Variants in CLVS1 observed in about 807,000 individuals in gnomAD.
The protein encoded by CLVS1 is clavesin 1.
A neutral mutation model predicts 33.1 loss-of-function variants in CLVS1; 10 were observed. The ratio of observed to expected loss-of-function variants is 0.30; its 90% CI spans 0.19 to 0.51. The LOEUF is 0.51. Among genes scored for constraint, CLVS1 ranks in the 20% least tolerant of loss-of-function variants. CLVS1 has a pLI of 0.97. For missense variants in CLVS1, 343 were observed against 433.4 expected (o/e 0.79, Z 1.85); for synonymous variants, 163 against 166.1 (o/e 0.98, Z 0.14).
chr8:61,084,267 A>C (rs763259907), intron 1 of CLVS1, among the ~76,000 whole-genome samples: 5 of 152,342 alleles, frequency 3.3e-5, no homozygotes, highest in Non-Finnish European at 7.3e-5. Flanking sequence ...AGAACCATTT[A>C]GTCACAGGCA....
intron 5 of CLVS1, among the ~76,000 whole-genome samples, chr8:61,474,624 T>C (rs145991179): frequency 1.3e-5 from 2 of 152,262 alleles, no homozygotes; most frequent in East Asian, 3.9e-4. Flanking sequence ...GAGGGAACAA[T>C]TGATAACACC....
the CLVS1 span, among the ~76,000 whole-genome samples, chr8:60,997,341 T>A: frequency 6.6e-6 from 1 of 152,274 alleles, no homozygotes; most frequent in Admixed American, 6.5e-5. Context: ...CATCTAGAAA[T>A]GACTGTAGGA....
intron 2 of CLVS1, among the ~76,000 whole-genome samples, chr8:61,328,523 C>G (rs528533572): frequency 6.6e-6 from 1 of 152,082 alleles, no homozygotes; most frequent in Admixed American, 6.5e-5. Context: ...CCTTGCCTTG[C>G]CCAGTCTTTT....
chr8:61,226,111 T>C (rs754638706), intron 2 of CLVS1, among the ~76,000 whole-genome samples: 2 of 152,236 alleles, frequency 1.3e-5, no homozygotes, highest in Non-Finnish European at 2.9e-5. Flanking sequence ...GCATGGACGA[T>C]ACCACCTAAC....
intron 2 of CLVS1, among the ~76,000 whole-genome samples, chr8:61,187,490 T>C (rs1189629291): frequency 6.6e-6 from 1 of 152,160 alleles, no homozygotes; most frequent in Non-Finnish European, 1.5e-5. Flanking sequence ...AACTATTCTA[T>C]GCCAGACATT....
In CLVS1 at chr8:61,294,626, A is replaced by G. The variant is rs529920784; in HGVS notation, c.-151-5051A>G. Among the ~76,000 whole-genome samples the G allele has an allele frequency of 3.9e-5, 6 of 152,306 alleles. No individual in the cohort carries two copies. In the East Asian group the frequency reaches 1.2e-3, roughly 29 times the overall value. On this transcript the variant is annotated intron_variant, in intron 1 of 5. Coordinates refer to ENST00000325897, the MANE Select transcript of CLVS1 (RefSeq NM_173519.3). ...TTCTGTCTATTGCAGGATCCCTGTA[A>G]CAAAGAAAAAAGATAATTGATATAA... is the stretch of plus-strand genomic sequence containing the variant.
the CLVS1 span, among the ~76,000 whole-genome samples, chr8:60,983,559 T>A: frequency 5.9e-5 from 9 of 152,164 alleles, no homozygotes. Flanking sequence ...GAATTATTTC[T>A]CCATCCAAAG....
At chr8:61,249,803 T>G (rs1808894333) in intron 2 of CLVS1, among the ~76,000 whole-genome samples, 1 of 152,234 alleles carries the variant, frequency 6.6e-6, no homozygotes, top group Admixed American at 6.5e-5. Context: ...TCTTTGTAGA[T>G]TCTGGATATT....
rs138411146 is a variant in CLVS1 at position 61,370,921 on chromosome 8, C to A, written c.456-5684C>A. On this transcript the variant is annotated intron_variant, in intron 2 of 5. Coordinates refer to ENST00000325897, the MANE Select transcript of CLVS1 (RefSeq NM_173519.3). Reference sequence around the variant, plus strand: ...TGATTGATGGACATTTGGGCTGATTCCATATTTTTGAAATTGCAAATTATC... The same window carrying A: ...TGATTGATGGACATTTGGGCTGATTACATATTTTTGAAATTGCAAATTATC... 6.1e-3 allele frequency among the ~76,000 whole-genome samples: 934 copies of A among 152,206 alleles called. 7 individuals are homozygous for A. The highest frequency in any genetic ancestry group is 0.011 in the South Asian group (54 of 4,814).
intron 2 of CLVS1, among the ~76,000 whole-genome samples, chr8:61,282,447 C>T (rs1809689501): frequency 6.6e-6 from 1 of 152,162 alleles, no homozygotes; most frequent in Non-Finnish European, 1.5e-5. Flanking sequence ...CTCCAAGAGG[C>T]CTGATAGCCT....
chr8:61,267,518 G>A (rs1475757163), intron 2 of CLVS1, among the ~76,000 whole-genome samples: 1 of 152,096 alleles, frequency 6.6e-6, no homozygotes, highest in Non-Finnish European at 1.5e-5. Context: ...TTTTGAGCAT[G>A]GAGTATTTAG....
chr8:61,246,399 A>G (rs1808811374), intron 2 of CLVS1, among the ~76,000 whole-genome samples: 1 of 150,480 alleles, frequency 6.6e-6, no homozygotes, highest in South Asian at 2.1e-4. Context: ...CGAACTCCTG[A>G]CCTCAAGTGA....
At chr8:61,014,478 G>T in the CLVS1 span, among the ~76,000 whole-genome samples, 1 of 152,344 alleles carries the variant, frequency 6.6e-6, no homozygotes, top group South Asian at 2.1e-4. Flanking sequence ...AATTAAAGGA[G>T]TATGGGCATC....
intron 2 of CLVS1, among the ~76,000 whole-genome samples, chr8:61,220,789 T>G (rs1275901953): frequency 6.6e-6 from 1 of 152,190 alleles, no homozygotes; most frequent in Non-Finnish European, 1.5e-5. Flanking sequence ...TTCCTATCCA[T>G]GAGCATGGAA....
At chr8:61,445,431 T>A (rs1350415722) in intron 3 of CLVS1, among the ~76,000 whole-genome samples, 1 of 152,066 alleles carries the variant, frequency 6.6e-6, no homozygotes, top group Non-Finnish European at 1.5e-5. Context: ...CTGATTCTTA[T>A]AAAGAGCCTA....
intron 2 of CLVS1, among the ~76,000 whole-genome samples, chr8:61,314,826 C>T (rs975025411): frequency 6.6e-6 from 1 of 152,166 alleles, no homozygotes; most frequent in African/African-American, 2.4e-5. Flanking sequence ...AATGAGCCTG[C>T]TTTGAAAACT....
chr8:61,012,082 G>A, the CLVS1 span, among the ~76,000 whole-genome samples: 1 of 152,228 alleles, frequency 6.6e-6, no homozygotes, highest in Non-Finnish European at 1.5e-5. Context: ...ACCCAGGGAT[G>A]CTGGACCCTG....
At chr8:61,094,428 G>T (rs962371008) in intron 1 of CLVS1, among the ~76,000 whole-genome samples, 1 of 152,110 alleles carries the variant, frequency 6.6e-6, no homozygotes, top group Non-Finnish European at 1.5e-5. Context: ...TCGTGACATT[G>T]TATCAGTTTA....
At chr8:61,306,379 G>A (rs1451131462) in intron 2 of CLVS1, among the ~76,000 whole-genome samples, 1 of 152,056 alleles carries the variant, frequency 6.6e-6, no homozygotes, top group Non-Finnish European at 1.5e-5. Context: ...TTTTCTGTGG[G>A]GTTGTTTGTT....
Sources: gnomAD v4.1 joint callset for allele counts (sites outside exome capture counted in the v4.1 genomes callset) on GRCh38, gnomAD v4.1.1 for gene constraint, MANE v1.5 for transcripts, NCBI Gene and HGNC (gene_info 2026-07-23, HGNC 2026-07-21) for gene names.